Variants in SH3GL3 observed in about 807,000 individuals in gnomAD.
The protein encoded by SH3GL3 is SH3 domain containing GRB2 like 3, endophilin A3, also known as endophilin-A3.
SH3GL3 carries 33 observed loss-of-function variants against 47.7 expected under a neutral mutation model. The observed-to-expected ratio is 0.69, with a 90% CI of 0.52 to 0.92. The LOEUF is 0.92. Among genes scored for constraint, SH3GL3 ranks in the 40% least tolerant of loss-of-function variants. SH3GL3 has a pLI of 0.00. For missense variants in SH3GL3, 363 were observed against 417.8 expected (o/e 0.87, Z 1.14); for synonymous variants, 155 against 148.8 (o/e 1.04, Z -0.30).
At position 83,477,411 on chromosome 15, in the gene SH3GL3, A is replaced by T. The variant is rs543766611; in HGVS notation, c.45+29833A>T. On this transcript the variant is annotated intron_variant, in intron 1 of 8. Transcript: ENST00000427482. Reference sequence around the variant, plus strand: ...TACTTACTTTTCCCAGAGCTCAAAAATTATTCTTGGGGGTGATGTCATTTT... The same window carrying T: ...TACTTACTTTTCCCAGAGCTCAAAATTTATTCTTGGGGGTGATGTCATTTT... 1.3e-4 allele frequency among the ~76,000 whole-genome samples: 20 copies of T among 152,204 alleles called. No homozygotes were observed. In the South Asian group the frequency reaches 3.9e-3, roughly 30 times the overall value.
chr15:83,448,481 T>TGTGTGTGTGTGTG lies in SH3GL3; in HGVS notation c.45+903_45+904insGTGTGTGTGTGTG, dbSNP rs1567228414. On this transcript the variant is annotated intron_variant, in intron 1 of 8. Coordinates refer to ENST00000427482, the MANE Select transcript of SH3GL3 (RefSeq NM_003027.5). This position sits in a 1 kb window ranked among gnomAD's most constrained non-coding sequence, Gnocchi z 4.2. ...GTGTGTGTGTGTGTGTGTGTGTGTG[T>TGTGTGTGTGTGTG]TGATGACAAGCAAATTTGTTTTTCA... is the stretch of plus-strand genomic sequence containing the variant. Among the ~76,000 whole-genome samples the TGTGTGTGTGTGTG allele has an allele frequency of 1.7e-4, 25 of 145,936 alleles. No individual in the cohort carries two copies. Among genetic ancestry groups the TGTGTGTGTGTGTG allele is most frequent in the African/African-American group, 3.5e-4 (14 of 39,552 alleles).
intron 1 of SH3GL3, among the ~76,000 whole-genome samples, chr15:83,458,833 G>A (rs146488581): frequency 0.011 from 1,721 of 152,350 alleles, 16 homozygotes; most frequent in Non-Finnish European, 0.015. Context: ...AAAGAAGGGT[G>A]TATTAGTCAG....
intron 8 of SH3GL3, among the ~76,000 whole-genome samples, chr15:83,599,561 C>CAT (rs1270772996): frequency 2.0e-5 from 3 of 152,172 alleles, no homozygotes; most frequent in African/African-American, 7.2e-5. Context: ...TATTCTACCA[C>CAT]ATATATATAC....
intron 2 of SH3GL3, among the ~76,000 whole-genome samples, chr15:83,564,088 G>T (rs2045418855): frequency 6.6e-6 from 1 of 152,064 alleles, no homozygotes; most frequent in African/African-American, 2.4e-5. Context: ...TTGAATTTCA[G>T]GTCCTGGTTA....
intron 1 of SH3GL3, among the ~76,000 whole-genome samples, chr15:83,492,539 C>CT (rs201778973): frequency 0.011 from 1,747 of 152,262 alleles, 17 homozygotes; most frequent in Non-Finnish European, 0.015. Flanking sequence ...TTGCTGGAGG[C>CT]TGTGTGCCAG....
rs1304636351 is a variant in SH3GL3 at position 83,572,654 on chromosome 15, G to T, written c.421G>T (p.Asp141Tyr). 2 of 1,611,100 alleles carry T rather than the reference G, an allele frequency of 1.2e-6. No individual in the cohort carries two copies. The highest frequency in any genetic ancestry group is 1.7e-6 in the Non-Finnish European group (2 of 1,177,406). Residue 141 changes from aspartate (D) to tyrosine (Y), a missense_variant, in exon 5 of 9, where the codon GAT becomes TAT. Asp to Tyr is a radical substitution (Grantham distance 160, BLOSUM62 -3). Transcript: ENST00000427482. ...TATTAATGTAAAGCAAACTTTTATTGATCCACTTCAGTTACTACAAGATAA... is the reference window on the plus strand; with the variant it reads ...TATTAATGTAAAGCAAACTTTTATTTATCCACTTCAGTTACTACAAGATAA... ...LDINVKQTFI[D>Y]PLQLLQDKDL...
intron 1 of SH3GL3, among the ~76,000 whole-genome samples, chr15:83,522,571 A>C (rs959149042): frequency 3.3e-5 from 5 of 152,204 alleles, no homozygotes; most frequent in Non-Finnish European, 7.3e-5. Context: ...TGGTCACAAT[A>C]CTGTTACTAC....
At chr15:83,587,157 C>G in intron 7 of SH3GL3, 71 bp downstream of exon 7, 1 of 708,864 alleles carries the variant, frequency 1.4e-6, no homozygotes, top group Non-Finnish European at 2.4e-6. Context: ...ATCTGTCTGT[C>G]TCTCCATCTC....
intron 1 of SH3GL3, among the ~76,000 whole-genome samples, chr15:83,528,351 T>C (rs541559141): frequency 6.6e-6 from 1 of 152,322 alleles, no homozygotes; most frequent in South Asian, 2.1e-4. Flanking sequence ...CTTGCTAGAC[T>C]TGGGAAGTTT....
At chr15:83,504,966 G>A (rs149292311) in intron 1 of SH3GL3, among the ~76,000 whole-genome samples, 1,733 of 152,114 alleles carry the variant, frequency 0.011, 16 homozygotes, top group Non-Finnish European at 0.015. Flanking sequence ...GATAGTTTAG[G>A]TTTGCATATT....
chr15:83,456,685 C>G (rs532047867), intron 1 of SH3GL3, among the ~76,000 whole-genome samples: 11 of 144,990 alleles, frequency 7.6e-5, no homozygotes, highest in African/African-American at 2.8e-4. Context: ...GGTGCGCACA[C>G]ACACTGGCCT....
chr15:83,503,975 C>T (rs1056162887), intron 1 of SH3GL3, among the ~76,000 whole-genome samples: 2 of 152,134 alleles, frequency 1.3e-5, no homozygotes, highest in African/African-American at 2.4e-5. Flanking sequence ...TGAAATGTTA[C>T]ATTCTTATCC....
intron 1 of SH3GL3, among the ~76,000 whole-genome samples, chr15:83,528,163 T>C (rs752809861): frequency 1.3e-5 from 2 of 152,338 alleles, no homozygotes; most frequent in Middle Eastern, 3.4e-3. Flanking sequence ...CTTAGAAATC[T>C]GCTATTAGTC....
intron 1 of SH3GL3, among the ~76,000 whole-genome samples, chr15:83,500,697 G>A (rs1265552696): frequency 1.3e-5 from 2 of 151,916 alleles, no homozygotes; most frequent in African/African-American, 4.9e-5. Context: ...CTCCCTTCCA[G>A]GGACTACTCT....
At chr15:83,480,835 A>G (rs1488709942) in intron 1 of SH3GL3, among the ~76,000 whole-genome samples, 2 of 152,184 alleles carry the variant, frequency 1.3e-5, no homozygotes, top group Non-Finnish European at 2.9e-5. Context: ...ATATGACTCC[A>G]TTTTACATCA....
the SH3GL3 span, among the ~76,000 whole-genome samples, chr15:83,629,818 T>TTAAATAAATAAA: frequency 2.6e-5 from 4 of 151,656 alleles, no homozygotes; most frequent in East Asian, 7.9e-4. Flanking sequence ...AGACTCTGTC[T>TTAAATAAATAAA]TAAATAAATA....
intron 8 of SH3GL3, among the ~76,000 whole-genome samples, chr15:83,616,979 A>G (rs1275431677): frequency 6.6e-6 from 1 of 152,220 alleles, no homozygotes; most frequent in Non-Finnish European, 1.5e-5. Flanking sequence ...TAGCTTGTAC[A>G]AGAAGAATCT....
chr15:83,467,769 A>G (rs1413551295), intron 1 of SH3GL3, among the ~76,000 whole-genome samples: 1 of 152,136 alleles, frequency 6.6e-6, no homozygotes, highest in Non-Finnish European at 1.5e-5. Context: ...TTAAATTTGT[A>G]GCTAAGTATT....
chr15:83,626,587 GCCTTACT>G, the SH3GL3 span, among the ~76,000 whole-genome samples: 3 of 152,298 alleles, frequency 2.0e-5, no homozygotes, highest in African/African-American at 7.2e-5. Flanking sequence ...CTTATCTTTT[GCCTTACT>G]TCTCAGTTGG....
Sources: allele counts gnomAD v4.1 joint callset (sites outside exome capture counted in the v4.1 genomes callset), GRCh38; gene constraint gnomAD v4.1.1; non-coding constraint Gnocchi (gnomAD v3.1); transcripts MANE v1.5; gene names NCBI Gene and HGNC (gene_info 2026-07-23, HGNC 2026-07-21).